Variants in JAKMIP2 observed in about 807,000 individuals in gnomAD.
JAKMIP2 encodes the protein janus kinase and microtubule interacting protein 2, also known as janus kinase and microtubule-interacting protein 2.
A neutral mutation model predicts 115.0 loss-of-function variants in JAKMIP2; 25 were observed. The ratio of observed to expected loss-of-function variants is 0.22; its 90% confidence interval spans 0.16 to 0.30. JAKMIP2 has a LOEUF of 0.30. Among genes scored for constraint, JAKMIP2 ranks in the 10% least tolerant of loss-of-function variants. JAKMIP2 has a pLI of 1.00. For missense variants in JAKMIP2, 642 were observed against 957.6 expected (o/e 0.67, Z 4.35); for synonymous variants, 334 against 343.6 (o/e 0.97, Z 0.31).
At chr5:147,609,416 T>G (rs1466093338) in intron 20 of JAKMIP2, among the ~76,000 whole-genome samples, 3 of 152,224 alleles carry the variant, frequency 2.0e-5, no homozygotes, top group Non-Finnish European at 4.4e-5. Context: ...AAGGATTTTA[T>G]TTCTCCTTCA....
rs1362243851 is a variant in JAKMIP2 at position 147,661,400 on chromosome 5, G to A, written c.175C>T (p.Arg59Cys). The A allele has an allele frequency of 2.5e-5, 40 of 1,613,766 alleles. No homozygotes were observed. Among genetic ancestry groups the A allele is most frequent in the Non-Finnish European group, 3.1e-5 (36 of 1,179,978 alleles). Residue 59 changes from arginine to cysteine, a missense_variant, in exon 3 of 22, where the codon CGT becomes TGT. By Grantham distance (180) the Arg-to-Cys change is radical. This residue lies in a region of JAKMIP2 where 439 missense variants were observed against 570.9 expected (regional missense o/e 0.77). Coordinates refer to ENST00000616793, the MANE Select transcript of JAKMIP2 (RefSeq NM_001270941.2). The part of the protein sequence containing the change: ...REKTQEAKRI[R>C]ELEQRKHTVL... ...GTGTGCTTGCGCTGCTCCAGCTCAC[G>A]AATCCTCTTCGCTTCTTGAGTCTTC...
chr5:147,725,140 C>T (rs1053497111), intron 1 of JAKMIP2, among the ~76,000 whole-genome samples: 2 of 152,080 alleles, frequency 1.3e-5, no homozygotes, highest in African/African-American at 2.4e-5. Flanking sequence ...CTAAGGGACA[C>T]TCCCACCGTG....
intron 1 of JAKMIP2, among the ~76,000 whole-genome samples, chr5:147,692,654 T>A (rs1751917992): frequency 6.6e-6 from 1 of 152,166 alleles, no homozygotes; most frequent in African/African-American, 2.4e-5. Flanking sequence ...ATGATAAACA[T>A]TTTTTAAATG....
intron 1 of JAKMIP2, among the ~76,000 whole-genome samples, chr5:147,704,606 A>G (rs538225705): frequency 6.6e-6 from 1 of 152,078 alleles, no homozygotes; most frequent in Non-Finnish European, 1.5e-5. Context: ...GGAATGATTC[A>G]CTCTCCCAGA....
Position 147,686,193 on chromosome 5 carries a change from C to T in JAKMIP2, c.-148-14239G>A, listed in dbSNP as rs140621110. 2.8e-3 allele frequency among the ~76,000 whole-genome samples: 422 copies of T among 152,246 alleles called. 2 individuals are homozygous for T. The highest frequency in any genetic ancestry group is 9.6e-3 in the African/African-American group (397 of 41,526). On this transcript the variant is annotated intron_variant, in intron 1 of 21. Transcript: ENST00000616793. ...TCACAGCGAGTCACAGCACAATTGT[C>T]CACGCTGCAAAACCTGACTTAATTG...
intron 20 of JAKMIP2, among the ~76,000 whole-genome samples, chr5:147,608,078 G>C (rs560697632): frequency 6.6e-6 from 1 of 151,912 alleles, no homozygotes; most frequent in East Asian, 1.9e-4. Flanking sequence ...TTGTTTATTA[G>C]TCTGGCTAGC....
intron 4 of JAKMIP2, 94 bp from the exon 5 acceptor site, chr5:147,648,568 T>C (rs1758245941): frequency 1.4e-6 from 1 of 705,724 alleles, no homozygotes; most frequent in Non-Finnish European, 2.5e-6. Context: ...ATAGGCTCAG[T>C]TCTCTTATCT....
At chr5:147,641,460 G>C (rs1757876375) in intron 8 of JAKMIP2, among the ~76,000 whole-genome samples, 1 of 152,090 alleles carries the variant, frequency 6.6e-6, no homozygotes, top group South Asian at 2.1e-4. Flanking sequence ...TCAAACCTAG[G>C]GGCATCTCCA....
rs766866821 is a variant in JAKMIP2, at chr5:147,631,435, T to C, written c.1853A>G (p.Tyr618Cys). Residue 618 changes from tyrosine (Y) to cysteine (C), a missense_variant, in exon 14 of 22, where the codon TAC (tyrosine) becomes TGC (cysteine). Tyr to Cys is a radical substitution (Grantham distance 194). This residue lies in a region of JAKMIP2 where 103 missense variants were observed against 177.6 expected (regional missense o/e 0.58). Transcript: ENST00000616793. The part of the protein sequence containing the change: ...FSDGVSALQI[Y>C]CMKEGVKDVN... ...TACCTTAACACCTTCTTTCATACAG[T>C]AGATCTGTAGAGCACTCACACCATC... 6.2e-7 allele frequency: 1 copy of C among 1,606,488 alleles called. No individual in the cohort carries two copies. Among genetic ancestry groups the C allele is most frequent in the South Asian group, 1.1e-5 (1 of 90,350 alleles).
rs183306725 is a variant in JAKMIP2 at position 147,678,868 on chromosome 5, T to C, written c.-148-6914A>G. Among the ~76,000 whole-genome samples, 16 of 152,306 alleles carry C rather than the reference T, an allele frequency of 1.1e-4. No homozygotes were observed. In the East Asian group the frequency reaches 2.5e-3, roughly 24 times the overall value. On this transcript the variant is annotated intron_variant, in intron 1 of 21. Transcript: ENST00000616793. Reference sequence around the variant, plus strand: ...AGAAGAAAAAAATGTGATGAATTCATGCTATCAATCTTAGGTTATAATCCT... The same window carrying C: ...AGAAGAAAAAAATGTGATGAATTCACGCTATCAATCTTAGGTTATAATCCT...
At chr5:147,640,897 C>T (rs1757851219) in intron 8 of JAKMIP2, 74 bp from the exon 9 acceptor site, 1 of 1,350,786 alleles carries the variant, frequency 7.4e-7, no homozygotes, top group African/African-American at 1.5e-5. Context: ...ATACTGTCAA[C>T]TGGCATACGT....
At chr5:147,648,544 T>A in intron 4 of JAKMIP2, 70 bp from the exon 5 acceptor site, 2 of 850,902 alleles carry the variant, frequency 2.4e-6, no homozygotes, top group Non-Finnish European at 4.0e-6. Flanking sequence ...TATCACTTAT[T>A]ATTCATAAAA....
intron 1 of JAKMIP2, among the ~76,000 whole-genome samples, chr5:147,720,040 C>T (rs1580830771): frequency 6.6e-6 from 1 of 152,040 alleles, no homozygotes; most frequent in African/African-American, 2.4e-5. Flanking sequence ...TTAGGGCAGG[C>T]CTGGTGGTGA....
intron 1 of JAKMIP2, among the ~76,000 whole-genome samples, chr5:147,755,088 A>C (rs1754696245): frequency 6.6e-6 from 1 of 152,194 alleles, no homozygotes; most frequent in South Asian, 2.1e-4. Context: ...TGCTTGTAAG[A>C]ATCAGAATAA....
At chr5:147,637,886 G>T (rs1288610320) in intron 10 of JAKMIP2, among the ~76,000 whole-genome samples, 1 of 151,972 alleles carries the variant, frequency 6.6e-6, no homozygotes, top group Non-Finnish European at 1.5e-5. Context: ...TTAGTAATTT[G>T]TTTCCTGCCT....
chr5:147,722,741 TC>T (rs1286823669), intron 1 of JAKMIP2, among the ~76,000 whole-genome samples: 3 of 152,192 alleles, frequency 2.0e-5, no homozygotes, highest in African/African-American at 7.2e-5. Context: ...GGTGTTTTGT[TC>T]GATGAAACAA....
rs1580829798 is a variant in JAKMIP2 at position 147,719,641 on chromosome 5, G to T, written c.-148-47687C>A. Among the ~76,000 whole-genome samples, 7 of 151,810 alleles carry T rather than the reference G, an allele frequency of 4.6e-5. No homozygotes were observed. In the South Asian group the frequency reaches 1.5e-3, roughly 32 times the overall value. On this transcript the variant is annotated intron_variant, in intron 1 of 21. Coordinates refer to ENST00000616793, the MANE Select transcript of JAKMIP2 (RefSeq NM_001270941.2). ...CTCTTTTGATCTTTGTTGGTTTAAAGTCTGTTTTATCAGAGACTAGGATTG... is the reference window on the plus strand; with the variant it reads ...CTCTTTTGATCTTTGTTGGTTTAAATTCTGTTTTATCAGAGACTAGGATTG...
intron 18 of JAKMIP2, among the ~76,000 whole-genome samples, chr5:147,618,827 T>C (rs1756713430): frequency 6.6e-6 from 1 of 152,186 alleles, no homozygotes; most frequent in African/African-American, 2.4e-5. Flanking sequence ...GCCATACTTC[T>C]GGAAATAAAT....
In JAKMIP2 at chr5:147,640,770, C is replaced by T. The variant is rs762287193; in HGVS notation, c.1335G>A (p.Glu445=). ...IGYDEDSMDS[E]TSSMASFRTD... ...TTCTAAATGAGGCCATGGATGATGT[C>T]TCTGAATCCATAGAGTCCTCATCAT... Residue 445 remains glutamate (E), a synonymous_variant, in exon 9 of 22, where the codon GAG becomes GAA. Transcript: ENST00000616793. The T allele has an allele frequency of 1.2e-6, 2 of 1,612,816 alleles. No homozygotes were observed. Among genetic ancestry groups the T allele is most frequent in the Admixed American group, 1.7e-5 (1 of 59,976 alleles).
Sources: gnomAD v4.1 joint callset for allele counts (sites outside exome capture counted in the v4.1 genomes callset) on GRCh38, gnomAD v4.1.1 for gene constraint, gnomAD v4.1.1 regional missense constraint, MANE v1.5 for transcripts, NCBI Gene and HGNC (gene_info 2026-07-23, HGNC 2026-07-21) for gene names.